ACER3: variants seen among roughly 807,000 people sequenced by gnomAD.
ACER3 encodes alkaline ceramidase 3.
In ACER3, 16 loss-of-function variants were observed where a neutral mutation model predicts 48.9. That is an observed-to-expected ratio of 0.33 (90% CI 0.22 to 0.50). The LOEUF (loss-of-function observed/expected upper bound fraction) is 0.50. Ranked by LOEUF, ACER3 falls within the 20% of genes least tolerant of loss-of-function variation. The pLI is 0.98. For missense variants in ACER3, 227 were observed against 326.0 expected, an observed-to-expected ratio of 0.70 and a Z score of 2.34; for synonymous variants, 109 against 107.8, an observed-to-expected ratio of 1.01 and a Z score of -0.07.
intron 4 of ACER3, among the ~76,000 whole-genome samples, chr11:76,977,429 G>A (rs1050926970): frequency 3.3e-5 from 5 of 152,196 alleles, no homozygotes; most frequent in African/African-American, 1.2e-4. Flanking sequence ...TTCTATTTGA[G>A]TAAGTTAGGG....
intron 1 of ACER3, among the ~76,000 whole-genome samples, chr11:76,900,741 A>G (rs1946058892): frequency 6.6e-6 from 1 of 152,222 alleles, no homozygotes; most frequent in African/African-American, 2.4e-5. Flanking sequence ...CTTCTTCTAC[A>G]TCTTCTTCCC....
rs1244166820 is a variant in ACER3 at position 77,021,288 on chromosome 11, C to T, written c.*961C>T. ...TGCCCAGGGAAGTGTGTTGCATTAA[C>T]TAAAGCTAAAATTATCAGAATCCTA... is the stretch of plus-strand genomic sequence containing the variant. On this transcript the variant is annotated 3_prime_UTR_variant, in exon 11 of 11. Transcript: ENST00000532485. 6.6e-6 allele frequency: 1 copy of T among 152,160 alleles called. No individual in the cohort carries two copies. The highest frequency in any genetic ancestry group is 1.5e-5 in the Non-Finnish European group (1 of 68,040). 9.4% of individuals were successfully genotyped at this position (152,160 alleles called of 1,614,324 possible).
At chr11:76,885,512 C>T (rs1426126669) in intron 1 of ACER3, among the ~76,000 whole-genome samples, 1 of 152,110 alleles carries the variant, frequency 6.6e-6, no homozygotes, top group African/African-American at 2.4e-5. Context: ...CCATGTAGGG[C>T]CACTTGGGAA....
In ACER3 at chr11:76,950,390, TATATATATATATATATATATA is replaced by T. The variant is rs1347050629; in HGVS notation, c.215-8586_215-8566del. Among the ~76,000 whole-genome samples the T allele has an allele frequency of 8.3e-3, 258 of 30,952 alleles. 23 individuals are homozygous for T. Among genetic ancestry groups the T allele is most frequent in the East Asian group, 0.075 (90 of 1,200 alleles). The allele number at this position is 30,952 out of a possible 152,430, so 20.3% of individuals were successfully genotyped here. A position where few individuals can be genotyped will look rare whatever the true frequency, so the allele number is the denominator to read the frequency against. On this transcript the variant is annotated intron_variant, in intron 2 of 10. Transcript: ENST00000532485. The stretch of plus-strand genomic sequence containing the variant: ...ATATATATATATATATATATATATA[TATATATATATATATATATATA>T]ATTTACACATGTAAGTGTGTGTATG...
chr11:76,876,875 A>G (rs549477612), intron 1 of ACER3, among the ~76,000 whole-genome samples: 3 of 152,164 alleles, frequency 2.0e-5, no homozygotes, highest in African/African-American at 7.2e-5. Flanking sequence ...TTTATTGTTC[A>G]TATTGTTCCC....
chr11:76,985,323 G>A (rs7121184), intron 4 of ACER3, among the ~76,000 whole-genome samples: 17,856 of 152,026 alleles, frequency 0.12, 1,180 homozygotes, highest in East Asian at 0.36. Context: ...GGCTGGTCTC[G>A]AAATCCTGCA....
chr11:76,917,583 G>T (rs186578735), intron 1 of ACER3, among the ~76,000 whole-genome samples: 1 of 151,736 alleles, frequency 6.6e-6, no homozygotes, highest in Non-Finnish European at 1.5e-5. Context: ...TTGGCCAGGC[G>T]CAGTGGCTCA....
chr11:76,892,586 G>A (rs574985634), intron 1 of ACER3, among the ~76,000 whole-genome samples: 6 of 152,116 alleles, frequency 3.9e-5, no homozygotes, highest in East Asian at 1.9e-4. Flanking sequence ...GCTGACACTC[G>A]CTCAGTGAGT....
Position 77,015,088 on chromosome 11 carries a change from T to G in ACER3, c.570T>G (p.Asn190Lys). 1 of 1,573,718 alleles carries G rather than the reference T, an allele frequency of 6.4e-7. No individual in the cohort carries two copies. Among genetic ancestry groups the G allele is most frequent in the African/African-American group, 1.3e-5 (1 of 74,196 alleles). ...TTTTATTGGGATTTTTATTTTGGAA[T>G]ATAGATAACATATTTTGTGAGTCAC... ...GIFLLGFLFW[N>K]IDNIFCESLR... Residue 190 changes from asparagine (N) to lysine (K), a missense_variant, in exon 8 of 11, where the codon AAT becomes AAG. By Grantham distance (94) the Asn-to-Lys change is moderately conservative (BLOSUM62 0). Around this residue, in one of 3 missense-constraint regions of ACER3, gnomAD observed 195 missense variants for 290.8 expected, o/e 0.67. Coordinates refer to ENST00000532485, the MANE Select transcript of ACER3 (RefSeq NM_018367.7).
At chr11:76,871,154 C>T (rs1166774978) in intron 1 of ACER3, among the ~76,000 whole-genome samples, 11 of 152,186 alleles carry the variant, frequency 7.2e-5, no homozygotes, top group Non-Finnish European at 1.2e-4. Context: ...CATTCTTACT[C>T]TCTCTCTTCC....
rs943135813 is a variant in ACER3, at chr11:76,934,214, A to G, written c.214+7547A>G. On this transcript the variant is annotated intron_variant, in intron 2 of 10. Transcript: ENST00000532485. The stretch of plus-strand genomic sequence containing the variant: ...TCCTCACTTTCCAGACTGGGCAGCC[A>G]GGCAGAGGGGCTCCTCACGTCCTAG... 1.5e-3 allele frequency among the ~76,000 whole-genome samples: 223 copies of G among 150,580 alleles called. 1 individual carries two copies. In the Middle Eastern group the frequency reaches 0.028, roughly 19 times the overall value.
At chr11:77,004,139 C>T (rs1555020409) in intron 7 of ACER3, among the ~76,000 whole-genome samples, 1 of 152,190 alleles carries the variant, frequency 6.6e-6, no homozygotes, top group Non-Finnish European at 1.5e-5. Flanking sequence ...TTCACTAGGA[C>T]TCACAGAACT....
intron 7 of ACER3, among the ~76,000 whole-genome samples, chr11:77,014,210 G>A (rs1191483399): frequency 1.3e-5 from 2 of 152,172 alleles, no homozygotes; most frequent in Non-Finnish European, 2.9e-5. Context: ...TTTCTCATCA[G>A]TGAAGTAAAA....
chr11:76,965,073 A>G (rs1035383893), intron 3 of ACER3, among the ~76,000 whole-genome samples: 1 of 151,392 alleles, frequency 6.6e-6, no homozygotes, highest in African/African-American at 2.5e-5. Flanking sequence ...AAAAAATAAG[A>G]TGAATGGCTA....
intron 1 of ACER3, among the ~76,000 whole-genome samples, chr11:76,920,564 C>T (rs1447134644): frequency 6.6e-6 from 1 of 151,744 alleles, no homozygotes; most frequent in Non-Finnish European, 1.5e-5. Context: ...GCCTGTCTCT[C>T]CTTACTCTTA....
chr11:77,004,404 C>A (rs985194870), intron 7 of ACER3, among the ~76,000 whole-genome samples: 1 of 152,194 alleles, frequency 6.6e-6, no homozygotes, highest in African/African-American at 2.4e-5. Flanking sequence ...AGTGTTTGTG[C>A]CCCAAGTCCA....
chr11:77,006,106 C>T (rs1949143553), intron 7 of ACER3, among the ~76,000 whole-genome samples: 1 of 150,380 alleles, frequency 6.6e-6, no homozygotes, highest in South Asian at 2.1e-4. Context: ...TCTTCTGCCT[C>T]AGCCTCCCAA....
chr11:76,888,766 C>T lies in ACER3; in HGVS notation c.103+27687C>T, dbSNP rs1590885404. ...TGGGTGCTACAGTCTTAGGTAATGT[C>T]ATCACATACACATGATCATGTATCT... On this transcript the variant is annotated intron_variant, in intron 1 of 10. Coordinates refer to ENST00000532485, the MANE Select transcript of ACER3 (RefSeq NM_018367.7). 3.3e-5 allele frequency among the ~76,000 whole-genome samples: 5 copies of T among 152,250 alleles called. No homozygotes were observed. The East Asian group carries it at 9.7e-4, about 29-fold the overall frequency.
intron 2 of ACER3, among the ~76,000 whole-genome samples, chr11:76,946,689 C>CT (rs1947482582): frequency 6.6e-6 from 1 of 152,178 alleles, no homozygotes; most frequent in Non-Finnish European, 1.5e-5. Flanking sequence ...AGCACCCAGT[C>CT]TCCCCTCCCC....
Sources: allele counts gnomAD v4.1 joint callset (sites outside exome capture counted in the v4.1 genomes callset), GRCh38; gene constraint gnomAD v4.1.1; regional missense constraint gnomAD v4.1.1; transcripts MANE v1.5; gene names NCBI Gene and HGNC (gene_info 2026-07-23, HGNC 2026-07-21).